The following ERBB4 variants were observed in gnomAD, a reference collection of about 807,000 sequenced individuals.
The protein encoded by ERBB4 is receptor tyrosine-protein kinase erbB-4.
In ERBB4, 42 loss-of-function variants were observed where a neutral mutation model predicts 158.0. The ratio of observed to expected loss-of-function variants is 0.27; its 90% CI spans 0.21 to 0.34. The LOEUF is 0.34. ERBB4 is among the 10% of genes least tolerant of loss of function. The probability of loss-of-function intolerance (pLI) is 1.00; values close to 1 mark genes in which losing one functional copy is unlikely to be tolerated. For missense variants in ERBB4, 1,333 were observed against 1,624.1 expected, an observed-to-expected ratio of 0.82 and a Z score of 3.08; for synonymous variants, 583 against 558.7, an observed-to-expected ratio of 1.04 and a Z score of -0.61.
chr2:211,725,052 A>C lies in ERBB4; in HGVS notation c.741+24T>G, dbSNP rs768505522. 5.5e-6 allele frequency: 8 copies of C among 1,463,064 alleles called. No individual in the cohort carries two copies. In the African/African-American group the frequency reaches 1.1e-4, roughly 20 times the overall value. 90.6% of individuals were successfully genotyped at this position (1,463,064 alleles called of 1,614,324 possible). ...GGGAAGGAAAGGAGAGCAGGATAAT[A>C]AAAGAGAGAAATCACAGACATACAA... On this transcript the variant is annotated intron_variant, in intron 6 of 27. Coordinates refer to ENST00000342788, the MANE Select transcript of ERBB4 (RefSeq NM_005235.3).
intron 3 of ERBB4, among the ~76,000 whole-genome samples, chr2:211,844,156 A>T (rs2077539769): frequency 6.6e-6 from 1 of 152,136 alleles, no homozygotes; most frequent in Admixed American, 6.6e-5. Flanking sequence ...TTGACTTACT[A>T]GATGAATGAA....
intron 1 of ERBB4, among the ~76,000 whole-genome samples, chr2:212,511,544 C>T (rs990849896): frequency 1.2e-4 from 19 of 152,244 alleles, no homozygotes; most frequent in East Asian, 3.9e-4. Flanking sequence ...AGGTAACCTA[C>T]CAGTCTTCAC....
At chr2:212,216,940 C>T (rs1262970267) in intron 1 of ERBB4, among the ~76,000 whole-genome samples, 1 of 151,256 alleles carries the variant, frequency 6.6e-6, no homozygotes, top group African/African-American at 2.4e-5. Context: ...ATAAATTATG[C>T]ACAAATTTCC....
At chr2:212,267,884 A>T (rs1050007553) in intron 1 of ERBB4, among the ~76,000 whole-genome samples, 2 of 151,792 alleles carry the variant, frequency 1.3e-5, no homozygotes, top group African/African-American at 4.8e-5. Flanking sequence ...ATAGCCCAAC[A>T]GCAATCTATT....
At chr2:212,263,735 A>G (rs2085029071) in intron 1 of ERBB4, among the ~76,000 whole-genome samples, 1 of 152,006 alleles carries the variant, frequency 6.6e-6, no homozygotes, top group South Asian at 2.1e-4. Context: ...AGTTCCGAAA[A>G]CTATGTTAAT....
At chr2:211,645,681 G>A (rs975317130) in intron 16 of ERBB4, among the ~76,000 whole-genome samples, 6 of 151,580 alleles carry the variant, frequency 4.0e-5, no homozygotes, top group South Asian at 2.1e-4. Flanking sequence ...ACTTGCAGCC[G>A]TACTTTGATG....
chr2:211,409,365 A>G (rs1377065619), intron 25 of ERBB4, among the ~76,000 whole-genome samples: 1 of 152,180 alleles, frequency 6.6e-6, no homozygotes, highest in African/African-American at 2.4e-5. Flanking sequence ...AAAAAGCTCC[A>G]AGCAGAGCCT....
intron 2 of ERBB4, among the ~76,000 whole-genome samples, chr2:211,967,597 A>G (rs2081341456): frequency 6.6e-6 from 1 of 151,960 alleles, no homozygotes; most frequent in African/African-American, 2.4e-5. Context: ...AGTAAACAAC[A>G]CCCTGTGAAA....
At chr2:212,318,208 T>C (rs2087383777) in intron 1 of ERBB4, among the ~76,000 whole-genome samples, 1 of 151,576 alleles carries the variant, frequency 6.6e-6, no homozygotes, top group African/African-American at 2.4e-5. Context: ...AAGGTCTAAA[T>C]GAAAAAGCCT....
intron 3 of ERBB4, among the ~76,000 whole-genome samples, chr2:211,872,858 TACTGATAA>T (rs200094632): frequency 0.015 from 2,241 of 151,932 alleles, 52 homozygotes; most frequent in African/African-American, 0.052. Flanking sequence ...TTATTGGTTT[TACTGATAA>T]ACTACACAAG....
At chr2:212,515,407 T>C (rs892180430) in intron 1 of ERBB4, among the ~76,000 whole-genome samples, 2 of 152,094 alleles carry the variant, frequency 1.3e-5, no homozygotes, top group African/African-American at 4.8e-5. Flanking sequence ...TATTTCCTTT[T>C]CAGTGTTAAA....
intron 5 of ERBB4, among the ~76,000 whole-genome samples, chr2:211,738,014 T>C (rs1260101946): frequency 6.6e-6 from 1 of 151,830 alleles, no homozygotes; most frequent in Non-Finnish European, 1.5e-5. Flanking sequence ...ATTCGTTTCA[T>C]GCATATGATA....
intron 16 of ERBB4, among the ~76,000 whole-genome samples, chr2:211,635,962 A>G (rs1056359410): frequency 1.3e-5 from 2 of 152,080 alleles, no homozygotes; most frequent in East Asian, 1.9e-4. Flanking sequence ...AGTATTGACT[A>G]TGAATCAAAG....
At chr2:211,415,842 T>C (rs2063377703) in intron 25 of ERBB4, among the ~76,000 whole-genome samples, 1 of 152,162 alleles carries the variant, frequency 6.6e-6, no homozygotes. Flanking sequence ...TTTCAGTTTA[T>C]TTATATATCT....
At chr2:211,507,516 C>T (rs1202745956) in intron 20 of ERBB4, among the ~76,000 whole-genome samples, 1 of 152,014 alleles carries the variant, frequency 6.6e-6, no homozygotes, top group Admixed American at 6.5e-5. Flanking sequence ...GCTACAGTAA[C>T]AAAAACAGCA....
At chr2:211,745,319 T>C (rs962761928) in intron 5 of ERBB4, among the ~76,000 whole-genome samples, 12 of 152,228 alleles carry the variant, frequency 7.9e-5, no homozygotes, top group Non-Finnish European at 1.8e-4. Flanking sequence ...ACAATAAGTA[T>C]ATTTTTGAGT....
intron 3 of ERBB4, among the ~76,000 whole-genome samples, chr2:211,922,842 T>C (rs1445936091): frequency 1.3e-5 from 2 of 152,084 alleles, no homozygotes; most frequent in Non-Finnish European, 2.9e-5. Context: ...AGTAGGAAAG[T>C]ATTTCACAGG....
At chr2:211,724,825 A>G (rs1188367768) in intron 6 of ERBB4, among the ~76,000 whole-genome samples, 1 of 152,190 alleles carries the variant, frequency 6.6e-6, no homozygotes, top group African/African-American at 2.4e-5. Context: ...AGATATCTCA[A>G]TATGTTCTCC....
chr2:211,530,110 C>T (rs1420512551), intron 20 of ERBB4, among the ~76,000 whole-genome samples: 2 of 151,980 alleles, frequency 1.3e-5, no homozygotes, highest in Non-Finnish European at 1.5e-5. Context: ...AAAGACTCCA[C>T]CAAAATAAAA....
Sources: gnomAD v4.1 joint callset for allele counts (sites outside exome capture counted in the v4.1 genomes callset) on GRCh38, gnomAD v4.1.1 for gene constraint, MANE v1.5 for transcripts, NCBI Gene and HGNC (gene_info 2026-07-23, HGNC 2026-07-21) for gene names.